AAK1: variants seen among roughly 807,000 people sequenced by gnomAD.
AAK1 encodes the protein AP2-associated protein kinase 1.
AAK1 carries 37 observed loss-of-function variants against 116.0 expected under a neutral mutation model. That is an observed-to-expected ratio of 0.32 (90% CI 0.25 to 0.42). AAK1 has a LOEUF of 0.42. Ranked by LOEUF, AAK1 falls within the 10% of genes least tolerant of loss-of-function variation. AAK1 has a pLI of 1.00. For missense variants in AAK1, 919 were observed against 1,170.6 expected, an observed-to-expected ratio of 0.79 and a Z score of 3.14; for synonymous variants, 458 against 439.9, an observed-to-expected ratio of 1.04 and a Z score of -0.51.
Position 69,465,356 on chromosome 2 carries a change from A to G in AAK1, c.*10513T>C. On this transcript the variant is annotated 3_prime_UTR_variant, in exon 22 of 22. Coordinates refer to ENST00000409085, the MANE Select transcript of AAK1 (RefSeq NM_014911.5). ...ATAATATTTCTTCTTCAGAAGGCTA[A>G]GCTGGGAGTGCCATGGCGGGTATTG... The G allele has an allele frequency of 8.5e-7, 1 of 1,174,746 alleles. No homozygotes were observed. The highest frequency in any genetic ancestry group is 3.4e-4 in the Middle Eastern group (1 of 2,984). 72.8% of individuals were successfully genotyped at this position (1,174,746 alleles called of 1,614,324 possible).
rs1355821727 is a variant in AAK1 at position 69,514,654 on chromosome 2, G to A, written c.1593C>T (p.Phe531=). 2 of 1,612,864 alleles carry A rather than the reference G, an allele frequency of 1.2e-6. No individual in the cohort carries two copies. The change falls in exon 13 of 22, where the codon TTC becomes TTT. Residue 531 remains phenylalanine, a synonymous_variant. Transcript: ENST00000409085. ...GTTGCTGCTGCTGCTGCTGCTGGTAGAAATTCTGCATTAGCTGCTGTTGAG... is the reference window on the plus strand; with the variant it reads ...GTTGCTGCTGCTGCTGCTGCTGGTAAAAATTCTGCATTAGCTGCTGTTGAG... ...GGSQQQLMQN[F]YQQQQQQQQQ... is the part of the protein sequence containing the mutation.
rs560985164 is a variant in AAK1, at chr2:69,466,932, T to C, written c.*8937A>G. On this transcript the variant is annotated 3_prime_UTR_variant, in exon 22 of 22. Transcript: ENST00000409085. ...CATCTCCACATATACCATGACAGTTTTGGATTATGTAGAAACACTGTCTGG... is the reference window on the plus strand; with the variant it reads ...CATCTCCACATATACCATGACAGTTCTGGATTATGTAGAAACACTGTCTGG... The C allele has an allele frequency of 1.0e-5, 10 of 985,378 alleles. No homozygotes were observed. The South Asian group carries it at 2.8e-4, about 28-fold the overall frequency. The allele number at this position is 985,378 out of a possible 1,614,324, so 61.0% of individuals were successfully genotyped here.
Position 69,480,966 on chromosome 2 carries a change from C to G in AAK1, c.2468-5G>C. On this transcript the variant is annotated splice_region_variant and splice_polypyrimidine_tract_variant and intron_variant, in intron 18 of 21. Coordinates refer to ENST00000409085, the MANE Select transcript of AAK1 (RefSeq NM_014911.5). ...CAACAGCAACATCAGCTTTTTCTTT[C>G]GTAACAGAGCATTAAGAAGAGGAAA... 1 of 1,593,342 alleles carries G rather than the reference C, an allele frequency of 6.3e-7. No individual in the cohort carries two copies.
At chr2:69,631,276 TGTAA>T (rs1463977646) in intron 2 of AAK1, among the ~76,000 whole-genome samples, 1 of 152,224 alleles carries the variant, frequency 6.6e-6, no homozygotes, top group East Asian at 1.9e-4. Context: ...GTACAATAGC[TGTAA>T]GTGTCCTTGA....
chr2:69,499,976 G>A (rs1675907053), intron 16 of AAK1: 1 of 152,160 alleles, frequency 6.6e-6, no homozygotes, highest in Non-Finnish European at 1.5e-5. Flanking sequence ...AAAATAAAGA[G>A]GCACCATGTG....
intron 2 of AAK1, among the ~76,000 whole-genome samples, chr2:69,601,101 T>C (rs1673557757): frequency 6.6e-6 from 1 of 152,270 alleles, no homozygotes; most frequent in African/African-American, 2.4e-5. Context: ...ATAACTTTTA[T>C]ATGCACTGGG....
At chr2:69,613,613 A>G (rs536893501) in intron 2 of AAK1, among the ~76,000 whole-genome samples, 35 of 152,298 alleles carry the variant, frequency 2.3e-4, no homozygotes, top group Admixed American at 1.6e-3. Flanking sequence ...AATCAATCAT[A>G]CCTATGTAAT....
At chr2:69,527,386 T>A (rs1572926578) in intron 8 of AAK1, 67 bp from the exon 9 acceptor site, 6 of 1,034,356 alleles carry the variant, frequency 5.8e-6, no homozygotes, top group Non-Finnish European at 8.9e-6. Flanking sequence ...GGAAGCATCA[T>A]TCCTCTCTCT....
intron 2 of AAK1, among the ~76,000 whole-genome samples, chr2:69,586,682 A>T (rs1197460845): frequency 6.6e-6 from 1 of 152,146 alleles, no homozygotes; most frequent in East Asian, 1.9e-4. Context: ...CTCCTATATC[A>T]CAAAAGAGTT....
chr2:69,595,045 G>C (rs1258495940), intron 2 of AAK1: 1 of 737,668 alleles, frequency 1.4e-6, no homozygotes, highest in Non-Finnish European at 2.5e-6. Context: ...GCGGGTTTTA[G>C]GAACGTTCAC....
intron 21 of AAK1, among the ~76,000 whole-genome samples, chr2:69,476,384 T>A (rs1008090412): frequency 6.6e-6 from 1 of 152,172 alleles, no homozygotes; most frequent in African/African-American, 2.4e-5. Context: ...AATAAGAACA[T>A]GCTTTAAAAA....
At chr2:69,576,466 G>A (rs1345836493) in intron 2 of AAK1, among the ~76,000 whole-genome samples, 1 of 151,920 alleles carries the variant, frequency 6.6e-6, no homozygotes, top group Non-Finnish European at 1.5e-5. Flanking sequence ...GTACCCAATA[G>A]TTATCTTTTC....
chr2:69,632,707 G>A (rs746970957), intron 2 of AAK1, among the ~76,000 whole-genome samples: 6 of 152,092 alleles, frequency 3.9e-5, no homozygotes, highest in African/African-American at 1.4e-4. Flanking sequence ...GACCATCCTG[G>A]CTAACATGGT....
rs763533614 is a variant in AAK1, at chr2:69,532,021, T to C, written c.656+20A>G. 2.0e-5 allele frequency: 32 copies of C among 1,611,752 alleles called. No individual in the cohort carries two copies. The highest frequency in any genetic ancestry group is 7.7e-5 in the South Asian group (7 of 91,050). ...TCATCTGATTGTGGACAAAACTCCA[T>C]GAAAGGAGAAAAAGCTTACTTCTTA... On this transcript the variant is annotated intron_variant, in intron 6 of 21. Transcript: ENST00000409085.
intron 20 of AAK1, chr2:69,478,553 A>G: frequency 4.9e-6 from 1 of 202,048 alleles, no homozygotes; most frequent in Non-Finnish European, 9.9e-6. Context: ...CCGGGCCTCA[A>G]GCAATCATCC....
Position 69,476,878 on chromosome 2 carries a change from ACCTTG to A in AAK1, c.2788_2791+1del. 6.2e-7 allele frequency: 1 copy of A among 1,610,400 alleles called. No homozygotes were observed. ...TTCTCTTTTCCCCATCCTTTTTCTTACCTTGTGGGTTTTTGGTTATCAATACAGGA... is the reference window on the plus strand; with the variant it reads ...TTCTCTTTTCCCCATCCTTTTTCTTATGGGTTTTTGGTTATCAATACAGGA... On this transcript the variant is annotated splice_donor_variant and coding_sequence_variant, in exon 21 of 22. Transcript: ENST00000409085. LOFTEE classifies it high-confidence loss of function.
intron 17 of AAK1, among the ~76,000 whole-genome samples, chr2:69,492,001 A>G (rs1275026216): frequency 1.3e-5 from 2 of 152,102 alleles, no homozygotes; most frequent in African/African-American, 4.8e-5. Context: ...AGTGTGGGCA[A>G]TAAGAAGAAT....
intron 10 of AAK1, among the ~76,000 whole-genome samples, chr2:69,521,994 T>A (rs192329203): frequency 3.9e-4 from 60 of 152,352 alleles, no homozygotes; most frequent in African/African-American, 1.4e-3. Flanking sequence ...CTATCTTCTA[T>A]ACGCAGCTGT....
At chr2:69,549,249 G>A (rs896288693) in intron 3 of AAK1, among the ~76,000 whole-genome samples, 2 of 151,636 alleles carry the variant, frequency 1.3e-5, no homozygotes, top group African/African-American at 4.9e-5. Flanking sequence ...TGCGCCTGTA[G>A]TCCCAGCTAC....
Sources: gnomAD v4.1 joint callset for allele counts (sites outside exome capture counted in the v4.1 genomes callset) on GRCh38, gnomAD v4.1.1 for gene constraint, MANE v1.5 for transcripts, NCBI Gene and HGNC (gene_info 2026-07-23, HGNC 2026-07-21) for gene names.